Variants in PYROXD1 observed in about 807,000 individuals in gnomAD.
PYROXD1 encodes the protein tRNA ligase complex-associated NAD(P)H dehydrogenase PYROXD1.
PYROXD1 carries 42 observed loss-of-function variants against 62.0 expected under a neutral mutation model. That is an observed-to-expected ratio of 0.68 (90% confidence interval 0.53 to 0.88). The LOEUF is 0.88. Ranked by LOEUF, PYROXD1 falls within the 40% of genes least tolerant of loss-of-function variation. The pLI is 0.00. For missense variants in PYROXD1, 493 were observed against 604.8 expected (o/e 0.82, Z 1.94); for synonymous variants, 170 against 206.4 (o/e 0.82, Z 1.51).
At chr12:21,444,261 T>C (rs1013752758) in intron 2 of PYROXD1, among the ~76,000 whole-genome samples, 1 of 152,226 alleles carries the variant, frequency 6.6e-6, no homozygotes, top group Non-Finnish European at 1.5e-5. Flanking sequence ...AAATATCAGC[T>C]ATTCTGTGTA....
At chr12:21,459,308 G>A (rs144235567) in intron 7 of PYROXD1, among the ~76,000 whole-genome samples, 2,829 of 152,262 alleles carry the variant, frequency 0.019, 29 homozygotes, top group Non-Finnish European at 0.03. Context: ...ACTGGGTTTG[G>A]AGAGCTTCTG....
At chr12:21,456,617 C>T (rs1454170630) in intron 7 of PYROXD1, among the ~76,000 whole-genome samples, 2 of 152,144 alleles carry the variant, frequency 1.3e-5, no homozygotes, top group African/African-American at 4.8e-5. Flanking sequence ...AGTTTTGCCT[C>T]GGTATTGGTG....
In PYROXD1 at chr12:21,448,217, A is replaced by G. The variant is rs1454001143; in HGVS notation, c.286-1346A>G. The G allele has an allele frequency of 8.9e-6, 5 of 561,846 alleles. No homozygotes were observed. The African/African-American group carries it at 9.5e-5, about 11-fold the overall frequency. 34.8% of individuals were successfully genotyped at this position (561,846 alleles called of 1,614,324 possible). A position where few individuals can be genotyped will look rare whatever the true frequency, so the allele number is the denominator to read the frequency against. ...AGCCACCATAGGTTTTCTCTTCCCC[A>G]TCCATTTTGTTCTTATGAAATGCTA... On this transcript the variant is annotated intron_variant, in intron 3 of 11. Coordinates refer to ENST00000240651, the MANE Select transcript of PYROXD1 (RefSeq NM_024854.5).
In PYROXD1 at chr12:21,467,550, G is replaced by A; in HGVS notation, c.1186G>A (p.Gly396Arg). 1 of 1,612,210 alleles carries A rather than the reference G, an allele frequency of 6.2e-7. No individual in the cohort carries two copies. Among genetic ancestry groups the A allele is most frequent in the Non-Finnish European group, 8.5e-7 (1 of 1,178,892 alleles). ...AAKCMAAASS[G>R]DSIDMDFSFE... Reference sequence around the variant, plus strand: ...AAAGTGCATGGCTGCAGCGAGTTCAGGAGACTCTATTGACATGGATTTCAG... The same window carrying A: ...AAAGTGCATGGCTGCAGCGAGTTCAAGAGACTCTATTGACATGGATTTCAG... The change falls in exon 11 of 12, where the codon GGA (glycine) becomes AGA (arginine). Residue 396 changes from glycine (G) to arginine (R), a missense_variant. Physicochemically the swap from Gly to Arg is moderately radical, Grantham distance 125. This residue lies in a region of PYROXD1 where 329 missense variants were observed against 446.6 expected (regional missense o/e 0.74). Transcript: ENST00000240651.
rs184236290 is a variant in PYROXD1 at position 21,453,325 on chromosome 12, C to G, written c.488+1171C>G. On this transcript the variant is annotated intron_variant, in intron 5 of 11. Coordinates refer to ENST00000240651, the MANE Select transcript of PYROXD1 (RefSeq NM_024854.5). Reference sequence around the variant, plus strand: ...AACTCATAGTTTTGTATTTAGTAAGCTCTTCTTTGGTAATTAAAAATGGAC... The same window carrying G: ...AACTCATAGTTTTGTATTTAGTAAGGTCTTCTTTGGTAATTAAAAATGGAC... Among the ~76,000 whole-genome samples the G allele has an allele frequency of 5.3e-5, 8 of 152,050 alleles. No homozygotes were observed. The East Asian group carries it at 1.5e-3, about 29-fold the overall frequency.
Position 21,456,062 on chromosome 12 carries a change from G to C in PYROXD1, c.717G>C (p.Trp239Cys). 6.2e-7 allele frequency: 1 copy of C among 1,610,590 alleles called. No individual in the cohort carries two copies. Among genetic ancestry groups the C allele is most frequent in the South Asian group, 1.1e-5 (1 of 90,582 alleles). ...TAGGAAGTGCATTGGGACCAGATTG[G>C]CATGAAGGCTTGAATCTTAAAGGAA... ...DNVGSALGPD[W>C]HEGLNLKGTK... The change falls in exon 7 of 12, where the codon TGG (tryptophan) becomes TGC (cysteine). Residue 239 changes from tryptophan (W) to cysteine (C), a missense_variant. Trp to Cys is a radical substitution (Grantham distance 215, BLOSUM62 -2). Transcript: ENST00000240651.
intron 3 of PYROXD1, among the ~76,000 whole-genome samples, chr12:21,446,266 A>G (rs1942385336): frequency 6.6e-6 from 1 of 152,122 alleles, no homozygotes; most frequent in Non-Finnish European, 1.5e-5. Context: ...TACTAAAAAT[A>G]CAAAAAATTA....
chr12:21,443,708 AC>A, intron 2 of PYROXD1, among the ~76,000 whole-genome samples: 1 of 152,180 alleles, frequency 6.6e-6, no homozygotes, highest in Non-Finnish European at 1.5e-5. Flanking sequence ...GAAGACTACT[AC>A]CATAGCCCTT....
intron 6 of PYROXD1, 107 bp downstream of exon 6, chr12:21,455,399 T>C (rs1942577345): frequency 2.0e-6 from 1 of 496,216 alleles, no homozygotes. Context: ...AATAGTAATA[T>C]GGATATTTAT....
chr12:21,455,870 T>C, intron 6 of PYROXD1, 125 bp from the exon 7 acceptor site: 2 of 628,046 alleles, frequency 3.2e-6, no homozygotes, highest in Non-Finnish European at 5.6e-6. Flanking sequence ...ATAGATAACA[T>C]AGGTTAGTCA....
intron 6 of PYROXD1, among the ~76,000 whole-genome samples, 163 bp downstream of exon 6, chr12:21,455,455 AT>A (rs1024846324): frequency 8.9e-6 from 1 of 112,134 alleles, no homozygotes; most frequent in Non-Finnish European, 1.9e-5. Context: ...ATATATATGT[AT>A]GTATTTTATA....
intron 4 of PYROXD1, among the ~76,000 whole-genome samples, chr12:21,451,634 A>G (rs1313282133): frequency 1.3e-5 from 2 of 152,142 alleles, no homozygotes; most frequent in African/African-American, 4.8e-5. Flanking sequence ...AGTAATTGCT[A>G]GAGCCAGTGC....
intron 5 of PYROXD1, among the ~76,000 whole-genome samples, chr12:21,453,137 A>G (rs1942532088): frequency 1.3e-5 from 2 of 152,102 alleles, no homozygotes; most frequent in Non-Finnish European, 2.9e-5. Flanking sequence ...TAGTATATAC[A>G]TGCCAGATTT....
At chr12:21,456,832 A>G (rs1478591680) in intron 7 of PYROXD1, 2 of 451,690 alleles carry the variant, frequency 4.4e-6, no homozygotes, top group Admixed American at 2.4e-5. Context: ...TTTACCAAGT[A>G]TATGTAATAT....
Position 21,437,762 on chromosome 12 carries a change from G to A in PYROXD1, c.32G>A (p.Gly11Glu), listed in dbSNP as rs1244652691. The change falls in exon 1 of 12, where the codon GGG (glycine) becomes GAG (glutamate). Residue 11 changes from glycine (G) to glutamate (E), a missense_variant. Around this residue, in one of 2 missense-constraint regions of PYROXD1, gnomAD observed 164 missense variants for 158.2 expected, o/e 1.04. Transcript: ENST00000240651. MEAARPPPTA[G>E]KFVVVGGGIA... is the part of the protein sequence containing the mutation. ...GCAGCGCGCCCTCCCCCGACGGCAG[G>A]GAAGTTCGTGGTGGTCGGCGGCGGC... 2 of 1,613,328 alleles carry A rather than the reference G, an allele frequency of 1.2e-6. No homozygotes were observed. Among genetic ancestry groups the A allele is most frequent in the East Asian group, 2.2e-5 (1 of 44,864 alleles).
At chr12:21,466,568 C>A (rs898281542) in intron 10 of PYROXD1, among the ~76,000 whole-genome samples, 38 of 152,232 alleles carry the variant, frequency 2.5e-4, no homozygotes, top group East Asian at 1.4e-3. Context: ...TTGGGCTGAG[C>A]TGATGGGGTT....
chr12:21,447,590 T>A (rs1591941305), intron 3 of PYROXD1: 2 of 168,954 alleles, frequency 1.2e-5, no homozygotes, highest in African/African-American at 4.8e-5. Context: ...TATTTAACAA[T>A]CTAGGAAGTT....
intron 7 of PYROXD1, among the ~76,000 whole-genome samples, chr12:21,457,960 A>G (rs1942630329): frequency 6.6e-6 from 1 of 152,154 alleles, no homozygotes; most frequent in Non-Finnish European, 1.5e-5. Context: ...TAGATGTAGT[A>G]TAGTTCTTAA....
intron 4 of PYROXD1, among the ~76,000 whole-genome samples, chr12:21,450,055 G>A (rs144010498): frequency 6.7e-6 from 1 of 148,394 alleles, no homozygotes; most frequent in Admixed American, 6.7e-5. Context: ...ATTTTTAGTA[G>A]AGACAGGGTT....
Sources: gnomAD v4.1 joint callset for allele counts (sites outside exome capture counted in the v4.1 genomes callset) on GRCh38, gnomAD v4.1.1 for gene constraint, gnomAD v4.1.1 regional missense constraint, MANE v1.5 for transcripts, NCBI Gene and HGNC (gene_info 2026-07-23, HGNC 2026-07-21) for gene names.